SMYD3: variants seen among roughly 807,000 people sequenced by gnomAD.
SMYD3 encodes the protein histone-lysine N-methyltransferase SMYD3.
A neutral mutation model predicts 57.7 loss-of-function variants in SMYD3; 36 were observed. The ratio of observed to expected loss-of-function variants is 0.62; its 90% CI spans 0.48 to 0.82. SMYD3 has a LOEUF of 0.82. Among genes scored for constraint, SMYD3 ranks in the 40% least tolerant of loss-of-function variants. The pLI, the probability that SMYD3 is intolerant of heterozygous loss-of-function variation, is 0.00. For missense variants in SMYD3, 515 were observed against 538.8 expected (o/e 0.96, Z 0.44); for synonymous variants, 211 against 195.0 (o/e 1.08, Z -0.68).
At chr1:245,888,319 C>T (rs1220694505) in intron 8 of SMYD3, among the ~76,000 whole-genome samples, 2 of 152,070 alleles carry the variant, frequency 1.3e-5, no homozygotes, top group Non-Finnish European at 2.9e-5. Context: ...AGAAATTGGA[C>T]AAAGATAGTA....
intron 9 of SMYD3, 59 bp from the exon 10 acceptor site, chr1:245,858,729 T>C (rs2051383172): frequency 6.5e-7 from 1 of 1,550,288 alleles, no homozygotes; most frequent in African/African-American, 1.4e-5. Context: ...CAAACAAAAT[T>C]AGATTCTCTA....
chr1:246,362,652 G>A (rs1455958965), intron 1 of SMYD3, among the ~76,000 whole-genome samples: 2 of 152,230 alleles, frequency 1.3e-5, no homozygotes, highest in Admixed American at 6.5e-5. Flanking sequence ...TGGTGGAGAC[G>A]GGGTTTCGCT....
At chr1:246,236,475 T>C (rs1279686813) in intron 5 of SMYD3, among the ~76,000 whole-genome samples, 2 of 152,032 alleles carry the variant, frequency 1.3e-5, no homozygotes, top group East Asian at 1.9e-4. Flanking sequence ...AGTGCAGTGG[T>C]GCGATCTCGG....
At chr1:246,255,434 A>G (rs6700351) in intron 5 of SMYD3, among the ~76,000 whole-genome samples, 3,596 of 151,774 alleles carry the variant, frequency 0.024, 142 homozygotes, top group African/African-American at 0.082. Flanking sequence ...ATTGGGGATG[A>G]TCATATGGTC....
chr1:246,326,358 G>A, intron 5 of SMYD3: 1 of 698,788 alleles, frequency 1.4e-6, no homozygotes, highest in East Asian at 2.7e-5. Context: ...CCCTATCCCA[G>A]GGTAAATATC....
chr1:245,838,922 A>G (rs1042326685), intron 10 of SMYD3, among the ~76,000 whole-genome samples: 17 of 152,166 alleles, frequency 1.1e-4, no homozygotes, highest in Non-Finnish European at 2.2e-4. Flanking sequence ...CATCTATGGG[A>G]GGACATCTAT....
chr1:245,893,349 C>A (rs959107714), intron 8 of SMYD3, among the ~76,000 whole-genome samples: 2 of 152,140 alleles, frequency 1.3e-5, no homozygotes, highest in African/African-American at 2.4e-5. Context: ...AGCCCAGCAA[C>A]CCCACTCCTA....
chr1:245,902,270 G>C (rs2054240314), intron 8 of SMYD3, among the ~76,000 whole-genome samples: 1 of 152,180 alleles, frequency 6.6e-6, no homozygotes, highest in Non-Finnish European at 1.5e-5. Context: ...GACAAATGGA[G>C]CTGAAGCACA....
At chr1:245,864,974 T>C (rs1430120469) in intron 8 of SMYD3, among the ~76,000 whole-genome samples, 1 of 152,226 alleles carries the variant, frequency 6.6e-6, no homozygotes, top group African/African-American at 2.4e-5. Context: ...ATGTATGAAA[T>C]GTCTGCCCTC....
At chr1:246,420,196 C>CA (rs58293193) in intron 1 of SMYD3, among the ~76,000 whole-genome samples, 13,289 of 112,382 alleles carry the variant, frequency 0.12, 1,034 homozygotes, top group East Asian at 0.36. Context: ...AAGACTGTCT[C>CA]AAAAAAAAAA....
chr1:245,786,949 C>A (rs777397362), intron 10 of SMYD3, among the ~76,000 whole-genome samples: 2 of 152,178 alleles, frequency 1.3e-5, no homozygotes, highest in Non-Finnish European at 2.9e-5. Context: ...AAAATCCTGT[C>A]ATAGAGTAAC....
At chr1:245,799,990 T>C (rs1022685945) in intron 10 of SMYD3, among the ~76,000 whole-genome samples, 1 of 152,244 alleles carries the variant, frequency 6.6e-6, no homozygotes, top group Non-Finnish European at 1.5e-5. Context: ...CAAGGTGGCA[T>C]CTGCACTTAA....
chr1:245,813,075 C>T lies in SMYD3; in HGVS notation c.1076+45421G>A, dbSNP rs975636035. Among the ~76,000 whole-genome samples, 11 of 133,024 alleles carry T rather than the reference C, an allele frequency of 8.3e-5. No individual in the cohort carries two copies. In the East Asian group the frequency reaches 1.0e-3, roughly 12 times the overall value. 87.3% of individuals were successfully genotyped at this position (133,024 alleles called of 152,430 possible). ...TGTTGCCCAGGCTGGAGTGCAGTGGCGCGATCTCAGCTCATTGTAACCTCC... is the reference window on the plus strand; with the variant it reads ...TGTTGCCCAGGCTGGAGTGCAGTGGTGCGATCTCAGCTCATTGTAACCTCC... On this transcript the variant is annotated intron_variant, in intron 10 of 11. Transcript: ENST00000490107.
chr1:246,139,978 G>A (rs905254715), intron 5 of SMYD3, among the ~76,000 whole-genome samples: 4 of 152,266 alleles, frequency 2.6e-5, no homozygotes, highest in African/African-American at 9.6e-5. Flanking sequence ...CAATGACACA[G>A]TTCTCCCTTT....
intron 1 of SMYD3, among the ~76,000 whole-genome samples, chr1:246,412,348 G>GA: frequency 6.6e-6 from 1 of 152,210 alleles, no homozygotes. Context: ...TTCTAATGAA[G>GA]ACAAAACTGC....
At chr1:245,836,576 T>C (rs1486959336) in intron 10 of SMYD3, among the ~76,000 whole-genome samples, 1 of 152,168 alleles carries the variant, frequency 6.6e-6, no homozygotes, top group Admixed American at 6.5e-5. Context: ...CTAGGATGCG[T>C]ATTTCTAGTC....
chr1:246,449,755 T>C (rs1247906677), intron 1 of SMYD3, among the ~76,000 whole-genome samples: 1 of 151,968 alleles, frequency 6.6e-6, no homozygotes, highest in Non-Finnish European at 1.5e-5. Context: ...CACAGAGAAG[T>C]GTCAATGAAG....
At chr1:246,047,831 C>A (rs1245157849) in intron 5 of SMYD3, among the ~76,000 whole-genome samples, 1 of 135,224 alleles carries the variant, frequency 7.4e-6, no homozygotes, top group East Asian at 2.6e-4. Context: ...AGAGTGAGAC[C>A]CTGTAGCAGA....
At position 246,202,844 on chromosome 1, in the gene SMYD3, G is replaced by C. The variant is rs967077867; in HGVS notation, c.531+124357C>G. 3.3e-5 allele frequency among the ~76,000 whole-genome samples: 5 copies of C among 152,170 alleles called. No homozygotes were observed. The highest frequency in any genetic ancestry group is 1.2e-4 in the African/African-American group (5 of 41,456). ...CTCTTCGCCCAGAAAATAAAGTCTG[G>C]AGGCTGGGTGAGGTGGCTCACGCTT... On this transcript the variant is annotated intron_variant, in intron 5 of 11. Coordinates refer to ENST00000490107, the MANE Select transcript of SMYD3 (RefSeq NM_001167740.2). This position sits in a 1 kb window ranked among gnomAD's most constrained non-coding sequence, Gnocchi z 4.1.
Sources: allele counts gnomAD v4.1 joint callset (sites outside exome capture counted in the v4.1 genomes callset), GRCh38; gene constraint gnomAD v4.1.1; non-coding constraint Gnocchi (gnomAD v3.1); transcripts MANE v1.5; gene names NCBI Gene and HGNC (gene_info 2026-07-23, HGNC 2026-07-21).